Variants in TERT observed in about 807,000 individuals in gnomAD.
TERT encodes telomerase catalytic subunit.
TERT carries 42 observed loss-of-function variants against 104.0 expected under a neutral mutation model. That is an observed-to-expected ratio of 0.40 (90% CI 0.32 to 0.52). TERT has a LOEUF of 0.52. Ranked by LOEUF, TERT falls within the 20% of genes least tolerant of loss-of-function variation. The probability of loss-of-function intolerance (pLI) is 0.43; values close to 1 mark genes in which losing one functional copy is unlikely to be tolerated. For missense variants in TERT, 1,101 were observed against 1,610.3 expected (o/e 0.68, Z 5.41); for synonymous variants, 781 against 725.6 (o/e 1.08, Z -1.23).
In TERT at chr5:1,270,027, G is replaced by A. The variant is rs1326925548; in HGVS notation, c.2468+1092C>T. On this transcript the variant is annotated intron_variant, in intron 8 of 15. Transcript: ENST00000310581. The surrounding 1 kb of genome is among the most constrained non-coding windows in gnomAD (Gnocchi z 8.3). ...CCATCTTAATAAAATTCACGACCACGAAGGAGGCCCGTGGTGGCTTCTCTG... is the reference window on the plus strand; with the variant it reads ...CCATCTTAATAAAATTCACGACCACAAAGGAGGCCCGTGGTGGCTTCTCTG... Among the ~76,000 whole-genome samples, 2 of 152,124 alleles carry A rather than the reference G, an allele frequency of 1.3e-5. No homozygotes were observed.
chr5:1,295,054 G>A lies in TERT; in HGVS notation c.-65C>T, dbSNP rs2126693726. The A allele has an allele frequency of 2.6e-6, 3 of 1,148,198 alleles. No individual in the cohort carries two copies. The highest frequency in any genetic ancestry group is 1.6e-5 in the African/African-American group (1 of 62,502). The allele number at this position is 1,148,198 out of a possible 1,614,324, so 71.1% of individuals were successfully genotyped here. ...CAGGACGCAGCGCTGCCTGAAACTC[G>A]CGCCGCGAGGAGAGGGCGGGGCCGC... is the stretch of plus-strand genomic sequence containing the variant. On this transcript the variant is annotated 5_prime_UTR_variant, in exon 1 of 16. Transcript: ENST00000310581.
At position 1,269,987 on chromosome 5, in the gene TERT, G is replaced by C. The variant is rs979747023; in HGVS notation, c.2468+1132C>G. On this transcript the variant is annotated intron_variant, in intron 8 of 15. Coordinates refer to ENST00000310581, the MANE Select transcript of TERT (RefSeq NM_198253.3). This position sits in a 1 kb window ranked among gnomAD's most constrained non-coding sequence, Gnocchi z 9.0. ...CCCCAAAGCCCTGCCACACGTGGAC[G>C]GTACGTGACTTGATCCATCTTAATA... 3.9e-5 allele frequency among the ~76,000 whole-genome samples: 6 copies of C among 152,108 alleles called. No individual in the cohort carries two copies. The highest frequency in any genetic ancestry group is 1.4e-4 in the African/African-American group (6 of 41,420).
Position 1,265,090 on chromosome 5 carries a change from G to A in TERT, c.2655-498C>T, listed in dbSNP as rs1242085218. 6.6e-6 allele frequency among the ~76,000 whole-genome samples: 1 copy of A among 152,236 alleles called. No homozygotes were observed. The highest frequency in any genetic ancestry group is 1.5e-5 in the Non-Finnish European group (1 of 68,038). ...GGGTTCTGAGTTCCTGCTCAGGCGCGGGACCTGGCTGGGCTGTGAGCTGGG... is the reference window on the plus strand; with the variant it reads ...GGGTTCTGAGTTCCTGCTCAGGCGCAGGACCTGGCTGGGCTGTGAGCTGGG... On this transcript the variant is annotated intron_variant, in intron 10 of 15. Coordinates refer to ENST00000310581, the MANE Select transcript of TERT (RefSeq NM_198253.3). The surrounding 1 kb of genome is among the most constrained non-coding windows in gnomAD (Gnocchi z 6.9).
intron 12 of TERT, among the ~76,000 whole-genome samples, chr5:1,259,161 C>G (rs59301706): frequency 5.5e-5 from 7 of 127,646 alleles, no homozygotes; most frequent in African/African-American, 2.1e-4. Context: ...AGGGAGTGGA[C>G]GCGGATGCCC....
chr5:1,272,430 G>A lies in TERT; in HGVS notation c.2287-150C>T, dbSNP rs990538897. ...GAGCGCCTGGGAAGCTTCTGTTTGGGAAACGGGGGCCGGGGGGCCGAGGAC... is the reference window on the plus strand; with the variant it reads ...GAGCGCCTGGGAAGCTTCTGTTTGGAAAACGGGGGCCGGGGGGCCGAGGAC... On this transcript the variant is annotated intron_variant, in intron 6 of 15. Transcript: ENST00000310581. 5.0e-6 allele frequency: 4 copies of A among 792,320 alleles called. No homozygotes were observed. The African/African-American group carries it at 6.8e-5, about 14-fold the overall frequency. The allele number at this position is 792,320 out of a possible 1,614,324, so 49.1% of individuals were successfully genotyped here.
intron 6 of TERT, among the ~76,000 whole-genome samples, chr5:1,277,354 G>A (rs971803069): frequency 3.3e-5 from 5 of 152,226 alleles, no homozygotes; most frequent in South Asian, 2.1e-4. Flanking sequence ...CACAGCAGGC[G>A]CAGCCGTGCA....
chr5:1,259,329 G>A (rs181172929), intron 12 of TERT, among the ~76,000 whole-genome samples: 10 of 145,672 alleles, frequency 6.9e-5, no homozygotes, highest in Non-Finnish European at 1.2e-4. Context: ...ACAGGAGAGG[G>A]AGTGGACATG....
In TERT at chr5:1,274,617, C is replaced by T. The variant is rs890058349; in HGVS notation, c.2287-2337G>A. Among the ~76,000 whole-genome samples, 3 of 152,184 alleles carry T rather than the reference C, an allele frequency of 2.0e-5. No homozygotes were observed. Among genetic ancestry groups the T allele is most frequent in the African/African-American group, 7.2e-5 (3 of 41,448 alleles). Reference sequence around the variant, plus strand: ...AGTTCTCAGTAGGGTGTGTGCGCCTCTGAGCACCGCATGCCACTGCTGATC... The same window carrying T: ...AGTTCTCAGTAGGGTGTGTGCGCCTTTGAGCACCGCATGCCACTGCTGATC... On this transcript the variant is annotated intron_variant, in intron 6 of 15. Transcript: ENST00000310581. This position sits in a 1 kb window ranked among gnomAD's most constrained non-coding sequence, Gnocchi z 5.3.
At chr5:1,273,492 C>CA (rs1195841521) in intron 6 of TERT, among the ~76,000 whole-genome samples, 4 of 27,074 alleles carry the variant, frequency 1.5e-4, no homozygotes, top group Non-Finnish European at 2.0e-4. Flanking sequence ...CATCAGACCC[C>CA]CGGGACCAAC....
At position 1,269,232 on chromosome 5, in the gene TERT, C is replaced by T. The variant is rs1029687969; in HGVS notation, c.2469-599G>A. ...CATCCCCAGAGCCCACAGGACGCCACTCCTGTTGCTAAGAGACGCTTGCAG... is the reference window on the plus strand; with the variant it reads ...CATCCCCAGAGCCCACAGGACGCCATTCCTGTTGCTAAGAGACGCTTGCAG... On this transcript the variant is annotated intron_variant, in intron 8 of 15. Coordinates refer to ENST00000310581, the MANE Select transcript of TERT (RefSeq NM_198253.3). The surrounding 1 kb of genome is among the most constrained non-coding windows in gnomAD (Gnocchi z 9.0). 1.3e-5 allele frequency among the ~76,000 whole-genome samples: 2 copies of T among 152,204 alleles called. No individual in the cohort carries two copies. Among genetic ancestry groups the T allele is most frequent in the Admixed American group, 1.3e-4 (2 of 15,284 alleles).
Position 1,253,610 on chromosome 5 carries a change from C to T in TERT, c.*118G>A. 1 of 855,022 alleles carries T rather than the reference C, an allele frequency of 1.2e-6. No homozygotes were observed. The allele number at this position is 855,022 out of a possible 1,614,324, so 53.0% of individuals were successfully genotyped here. On this transcript the variant is annotated 3_prime_UTR_variant, in exon 16 of 16. Coordinates refer to ENST00000310581, the MANE Select transcript of TERT (RefSeq NM_198253.3). ...GCCTCGGCCAAACACTCACTCAGGC[C>T]TCAGACTCCCAGCGGTGCGGGCCTG...
intron 6 of TERT, 46 bp downstream of exon 6, chr5:1,278,594 TC>T: frequency 6.2e-7 from 1 of 1,613,156 alleles, no homozygotes; most frequent in Non-Finnish European, 8.5e-7. Context: ...CACATTCATA[TC>T]CCAGAGACAC....
At position 1,293,950 on chromosome 5, in the gene TERT, C is replaced by A. The variant is rs1207164857; in HGVS notation, c.936G>T (p.Arg312=). The A allele has an allele frequency of 6.5e-7, 1 of 1,548,338 alleles. No homozygotes were observed. The highest frequency in any genetic ancestry group is 1.9e-5 in the Admixed American group (1 of 51,492). The change falls in exon 2 of 16, where the codon CGG becomes CGT. Residue 312 remains arginine, a synonymous_variant. Coordinates refer to ENST00000310581, the MANE Select transcript of TERT (RefSeq NM_198253.3). ...AAGGCGTGTCCCAGGGACGTGGTGG[C>A]CGCGATGTGGATGGGGGGCCCGCGT... ...QHHAGPPSTS[R]PPRPWDTPCP...
chr5:1,273,674 A>G (rs1166988736), intron 6 of TERT, among the ~76,000 whole-genome samples: 3 of 20,406 alleles, frequency 1.5e-4, no homozygotes, highest in African/African-American at 2.3e-4. Flanking sequence ...CACACATCAG[A>G]CCCCACGACC....
chr5:1,283,134 C>T (rs1750167143), intron 2 of TERT: 2 of 313,456 alleles, frequency 6.4e-6, no homozygotes, highest in South Asian at 5.1e-5. Context: ...CATCCGGATA[C>T]AGCACATCCA....
chr5:1,258,590 C>T lies in TERT; in HGVS notation c.3032+8G>A, dbSNP rs746348646. ...AGGCTGGGCCTGCACCCCTTGGTGGCGGCTCACCTGTACGCCTGCAGCAGG... is the reference window on the plus strand; with the variant it reads ...AGGCTGGGCCTGCACCCCTTGGTGGTGGCTCACCTGTACGCCTGCAGCAGG... On this transcript the variant is annotated splice_region_variant and intron_variant, in intron 13 of 15. Coordinates refer to ENST00000310581, the MANE Select transcript of TERT (RefSeq NM_198253.3). 2.3e-5 allele frequency: 36 copies of T among 1,563,352 alleles called. No homozygotes were observed. The highest frequency in any genetic ancestry group is 1.1e-4 in the African/African-American group (8 of 73,806).
chr5:1,271,284 G>T, intron 7 of TERT, 80 bp from the exon 8 acceptor site: 1 of 990,154 alleles, frequency 1.0e-6, no homozygotes, highest in Non-Finnish European at 1.6e-6. Flanking sequence ...AAGACCCTCC[G>T]TCCCTTTTGG....
chr5:1,289,762 T>A (rs553655092), intron 2 of TERT, among the ~76,000 whole-genome samples: 9 of 102,536 alleles, frequency 8.8e-5, no homozygotes, highest in African/African-American at 4.4e-4. Flanking sequence ...GGACAGTGCC[T>A]CATTCACCCT....
chr5:1,271,257 G>C (rs757727280), intron 7 of TERT, 53 bp from the exon 8 acceptor site: 4 of 1,361,940 alleles, frequency 2.9e-6, no homozygotes, highest in African/African-American at 1.4e-5. Context: ...TGCTGAGACA[G>C]GCAGGACCAC....
Sources: allele counts gnomAD v4.1 joint callset (sites outside exome capture counted in the v4.1 genomes callset), GRCh38; gene constraint gnomAD v4.1.1; non-coding constraint Gnocchi (gnomAD v3.1); transcripts MANE v1.5; gene names NCBI Gene and HGNC (gene_info 2026-07-23, HGNC 2026-07-21).